Variants in TBC1D8 observed in about 807,000 individuals in gnomAD.
TBC1D8 encodes BUB2-like protein 1.
A neutral mutation model predicts 118.8 loss-of-function variants in TBC1D8; 65 were observed. The observed-to-expected ratio is 0.55, with a 90% CI of 0.45 to 0.67. The LOEUF (loss-of-function observed/expected upper bound fraction) is 0.67. Among genes scored for constraint, TBC1D8 ranks in the 30% least tolerant of loss-of-function variants. The pLI, the probability that TBC1D8 is intolerant of heterozygous loss-of-function variation, is 0.00. For synonymous variants in TBC1D8, 566 were observed against 595.8 expected, an observed-to-expected ratio of 0.95 and a Z score of 0.73; for missense variants, 1,376 against 1,471.2, an observed-to-expected ratio of 0.94 and a Z score of 1.06.
chr2:101,032,238 TACAC>T (rs1680710002), intron 11 of TBC1D8, 26 bp downstream of exon 11: 1 of 1,592,854 alleles, frequency 6.3e-7, no homozygotes, highest in Non-Finnish European at 8.6e-7. Flanking sequence ...CTTCCCCAGA[TACAC>T]AGGAGGAGGA....
At chr2:101,029,255 G>A (rs1473671945) in intron 12 of TBC1D8, among the ~76,000 whole-genome samples, 1 of 152,172 alleles carries the variant, frequency 6.6e-6, no homozygotes, top group Non-Finnish European at 1.5e-5. Flanking sequence ...CGAGCATGGT[G>A]GTGGGTTCCT....
At chr2:101,148,269 G>A (rs7561868) in intron 1 of TBC1D8, among the ~76,000 whole-genome samples, 22,211 of 152,190 alleles carry the variant, frequency 0.15, 2,014 homozygotes, top group East Asian at 0.27. Flanking sequence ...CAATCAGTCC[G>A]AAATGCTGGG....
intron 1 of TBC1D8, among the ~76,000 whole-genome samples, chr2:101,110,665 A>G (rs1487449655): frequency 6.6e-6 from 1 of 152,168 alleles, no homozygotes; most frequent in Non-Finnish European, 1.5e-5. Flanking sequence ...TTTGAGGGTT[A>G]GAGAGAAAAG....
In TBC1D8 at chr2:101,038,495, G is replaced by C. The variant is rs771490829; in HGVS notation, c.1241C>G (p.Pro414Arg). The change falls in exon 7 of 20, where the codon CCC (proline) becomes CGC (arginine). Residue 414 changes from proline to arginine, a missense_variant. Pro to Arg is a moderately radical substitution (Grantham distance 103, BLOSUM62 -2). Coordinates refer to ENST00000409318, the MANE Select transcript of TBC1D8 (RefSeq NM_001330348.2). ...ARLKQVHANH[P>R]VHYDTSADDD... ...ATCCGCAGAGGTGTCGTAGTGCACG[G>C]GGTGGTTGGCGTGGACCTGCTTCAA... 1 of 1,613,694 alleles carries C rather than the reference G, an allele frequency of 6.2e-7. No homozygotes were observed. The highest frequency in any genetic ancestry group is 1.3e-5 in the African/African-American group (1 of 74,906).
chr2:101,048,681 C>T (rs1681859215), intron 5 of TBC1D8, among the ~76,000 whole-genome samples: 3 of 151,910 alleles, frequency 2.0e-5, no homozygotes, highest in Admixed American at 6.6e-5. Context: ...CACTCTCTCC[C>T]CCACACATTG....
At chr2:101,051,254 T>C (rs534124468) in intron 4 of TBC1D8, among the ~76,000 whole-genome samples, 1 of 152,336 alleles carries the variant, frequency 6.6e-6, no homozygotes, top group South Asian at 2.1e-4. Flanking sequence ...ACGATTTATA[T>C]TCCTTTGGAT....
intron 5 of TBC1D8, among the ~76,000 whole-genome samples, chr2:101,043,176 T>C (rs1377157089): frequency 6.6e-6 from 1 of 152,338 alleles, no homozygotes; most frequent in East Asian, 1.9e-4. Flanking sequence ...CTTAAATGCC[T>C]GATACAACGT....
intron 1 of TBC1D8, among the ~76,000 whole-genome samples, chr2:101,128,127 C>T (rs1007636936): frequency 3.9e-5 from 6 of 152,152 alleles, no homozygotes; most frequent in Admixed American, 3.3e-4. Context: ...TATTCTTTCC[C>T]CCCAATAACC....
chr2:101,061,316 G>GA (rs1222871957), intron 2 of TBC1D8, among the ~76,000 whole-genome samples: 5 of 152,114 alleles, frequency 3.3e-5, no homozygotes, highest in Non-Finnish European at 7.4e-5. Flanking sequence ...GGTGCCAGGG[G>GA]ACCGGCTCTG....
chr2:101,082,359 C>G (rs907059548), intron 2 of TBC1D8, among the ~76,000 whole-genome samples: 2 of 152,058 alleles, frequency 1.3e-5, no homozygotes, highest in African/African-American at 4.8e-5. Context: ...ATCCAGAGAC[C>G]CAGAGGGCTC....
At chr2:101,081,100 C>T (rs1300026842) in intron 2 of TBC1D8, among the ~76,000 whole-genome samples, 1 of 152,188 alleles carries the variant, frequency 6.6e-6, no homozygotes, top group Non-Finnish European at 1.5e-5. Flanking sequence ...AAAACATATG[C>T]CACATTTTGA....
rs766804184 is a variant in TBC1D8 at position 101,090,318 on chromosome 2, C to T, written c.174G>A (p.Arg58=). The T allele has an allele frequency of 1.9e-5, 30 of 1,613,852 alleles. No individual in the cohort carries two copies. In the South Asian group the frequency reaches 2.7e-4, roughly 15 times the overall value. ...ALDAVLDSNA[R]VAPFRILLQV... ...GAAGCAGAATTCGAAATGGAGCGACCCGTGCATTGGAATCCAACACTGCAT... is the reference window on the plus strand; with the variant it reads ...GAAGCAGAATTCGAAATGGAGCGACTCGTGCATTGGAATCCAACACTGCAT... Residue 58 remains arginine (R), a synonymous_variant, in exon 2 of 20, where the codon CGG becomes CGA. Transcript: ENST00000409318.
chr2:101,037,769 T>A lies in TBC1D8; in HGVS notation c.1276-61A>T, dbSNP rs1681115300. On this transcript the variant is annotated intron_variant, in intron 7 of 19. Coordinates refer to ENST00000409318, the MANE Select transcript of TBC1D8 (RefSeq NM_001330348.2). Reference sequence around the variant, plus strand: ...GGAGAGGAGAAAATCATGGCTTTAGTCGAGGGGACAGTCTTTGTTTTGCCT... The same window carrying A: ...GGAGAGGAGAAAATCATGGCTTTAGACGAGGGGACAGTCTTTGTTTTGCCT... 1.9e-6 allele frequency: 3 copies of A among 1,597,222 alleles called. No individual in the cohort carries two copies. The Admixed American group carries it at 5.0e-5, about 27-fold the overall frequency.
At chr2:101,124,252 A>G (rs887896520) in intron 1 of TBC1D8, among the ~76,000 whole-genome samples, 1 of 152,104 alleles carries the variant, frequency 6.6e-6, no homozygotes, top group African/African-American at 2.4e-5. Flanking sequence ...AAGAATTCAA[A>G]CCTTCTCTCT....
Position 101,090,214 on chromosome 2 carries a change from G to T in TBC1D8, c.278C>A (p.Ala93Asp), listed in dbSNP as rs754189287. 6.2e-7 allele frequency: 1 copy of T among 1,612,820 alleles called. No homozygotes were observed. The change falls in exon 2 of 20, where the codon GCC (alanine) becomes GAC (aspartate). Residue 93 changes from alanine (A) to aspartate (D), a missense_variant. Physicochemically the swap from Ala to Asp is moderately radical, Grantham distance 126 (BLOSUM62 -2). Coordinates refer to ENST00000409318, the MANE Select transcript of TBC1D8 (RefSeq NM_001330348.2). ...CCAACTGGAACAAAACTCACCAGTG[G>T]CTATGGCCCAGTAAACGTCTGATCC... ...LNGSDVYWAI[A>D]TGATLEEINQ...
chr2:101,060,623 T>C (rs1682701800), intron 2 of TBC1D8, among the ~76,000 whole-genome samples: 1 of 152,188 alleles, frequency 6.6e-6, no homozygotes, highest in African/African-American at 2.4e-5. Flanking sequence ...TCATCTCTAC[T>C]GGACAATGGG....
At chr2:101,082,762 T>C (rs1675348681) in intron 2 of TBC1D8, among the ~76,000 whole-genome samples, 1 of 152,086 alleles carries the variant, frequency 6.6e-6, no homozygotes. Flanking sequence ...CTGGGTTGCC[T>C]GGGACTTGGG....
intron 1 of TBC1D8, among the ~76,000 whole-genome samples, chr2:101,124,914 T>G (rs1158587314): frequency 6.6e-6 from 1 of 152,192 alleles, no homozygotes; most frequent in Non-Finnish European, 1.5e-5. Context: ...ACCCACCAAG[T>G]GAGTCAGAGC....
At chr2:101,033,837 G>T in intron 9 of TBC1D8, 79 bp from the exon 10 acceptor site, 2 of 1,479,620 alleles carry the variant, frequency 1.4e-6, no homozygotes, top group Non-Finnish European at 1.8e-6. Flanking sequence ...GGTCCCATCA[G>T]GGGACCCCAG....
Sources: gnomAD v4.1 joint callset for allele counts (sites outside exome capture counted in the v4.1 genomes callset) on GRCh38, gnomAD v4.1.1 for gene constraint, MANE v1.5 for transcripts, NCBI Gene and HGNC (gene_info 2026-07-23, HGNC 2026-07-21) for gene names.